Variants in AFAP1L1 observed in about 807,000 individuals in gnomAD.
AFAP1L1 encodes actin filament associated protein 1 like 1, also known as actin filament-associated protein 1-like 1.
Under a neutral mutation model 99.8 loss-of-function variants are expected in AFAP1L1, and 77 were observed. The ratio of observed to expected loss-of-function variants is 0.77; its 90% CI spans 0.64 to 0.93. The LOEUF is 0.93. Among genes scored for constraint, AFAP1L1 ranks in the 40% least tolerant of loss-of-function variants. The pLI, the probability that AFAP1L1 is intolerant of heterozygous loss-of-function variation, is 0.00. For missense variants in AFAP1L1, 893 were observed against 996.8 expected (o/e 0.90, Z 1.40); for synonymous variants, 373 against 395.3 (o/e 0.94, Z 0.67).
chr5:149,332,913 A>G (rs1231481644), intron 17 of AFAP1L1, 40 bp downstream of exon 17: 17 of 1,511,464 alleles, frequency 1.1e-5, no homozygotes, highest in South Asian at 5.2e-5. Flanking sequence ...AGCTACTCCT[A>G]TGTCCCTCCA....
At chr5:149,318,307 G>A (rs572953166) in intron 12 of AFAP1L1, among the ~76,000 whole-genome samples, 1 of 152,296 alleles carries the variant, frequency 6.6e-6, no homozygotes, top group African/African-American at 2.4e-5. Context: ...ACCAAGGTTT[G>A]TTTTTTCTCC....
chr5:149,285,696 A>G (rs916670201), intron 1 of AFAP1L1, among the ~76,000 whole-genome samples: 4 of 152,142 alleles, frequency 2.6e-5, no homozygotes, highest in Non-Finnish European at 5.9e-5. Flanking sequence ...AAGTTCTTCT[A>G]TACACCAAAC....
intron 1 of AFAP1L1, among the ~76,000 whole-genome samples, chr5:149,277,730 T>C (rs982232774): frequency 6.6e-6 from 1 of 152,232 alleles, no homozygotes; most frequent in Admixed American, 6.5e-5. Flanking sequence ...CTGCAACTTT[T>C]TGTATGACCT....
At chr5:149,294,278 C>T (rs1234017628) in intron 1 of AFAP1L1, among the ~76,000 whole-genome samples, 2 of 152,170 alleles carry the variant, frequency 1.3e-5, no homozygotes, top group South Asian at 2.1e-4. Flanking sequence ...CCAACAATCC[C>T]GCTGGAGGAG....
intron 8 of AFAP1L1, 65 bp downstream of exon 8, chr5:149,310,200 A>C: frequency 6.7e-7 from 1 of 1,481,824 alleles, no homozygotes; most frequent in Non-Finnish European, 9.0e-7. Context: ...GCCAGCCCTC[A>C]GTAGAGCTGG....
intron 1 of AFAP1L1, among the ~76,000 whole-genome samples, chr5:149,284,203 G>T (rs893869713): frequency 2.6e-5 from 4 of 152,200 alleles, no homozygotes; most frequent in Non-Finnish European, 4.4e-5. Context: ...AAAGAGTAGG[G>T]ATGTATTCTC....
At chr5:149,283,521 A>G (rs958198944) in intron 1 of AFAP1L1, among the ~76,000 whole-genome samples, 1 of 152,250 alleles carries the variant, frequency 6.6e-6, no homozygotes, top group Non-Finnish European at 1.5e-5. Flanking sequence ...AAAAAAACTC[A>G]GAACATACCT....
At chr5:149,275,162 G>A (rs1755272893) in intron 1 of AFAP1L1, among the ~76,000 whole-genome samples, 1 of 152,216 alleles carries the variant, frequency 6.6e-6, no homozygotes, top group Non-Finnish European at 1.5e-5. Context: ...CAACCCATAG[G>A]ATGGGGCCTA....
chr5:149,309,915 T>C, intron 7 of AFAP1L1, 41 bp from the exon 8 acceptor site: 1 of 1,613,616 alleles, frequency 6.2e-7, no homozygotes, highest in Non-Finnish European at 8.5e-7. Context: ...TCCTCTACCC[T>C]CTACTTCAGA....
chr5:149,301,080 G>T lies in AFAP1L1; in HGVS notation c.230-53G>T, dbSNP rs1756190553. ...CCCCAAATCCAGCCCTCTTCCCCTG[G>T]TCTGTGCTGCTCATCCTTGGCTTTC... On this transcript the variant is annotated intron_variant, in intron 3 of 18. Transcript: ENST00000296721. 1.9e-6 allele frequency: 3 copies of T among 1,557,448 alleles called. No individual in the cohort carries two copies. In the South Asian group the frequency reaches 3.4e-5, roughly 17 times the overall value.
intron 15 of AFAP1L1, among the ~76,000 whole-genome samples, chr5:149,323,626 C>T (rs780600002): frequency 5.9e-5 from 9 of 152,232 alleles, no homozygotes; most frequent in Admixed American, 3.3e-4. Context: ...ATTATAGCTC[C>T]ATTTCATTTG....
intron 15 of AFAP1L1, among the ~76,000 whole-genome samples, chr5:149,328,856 A>G (rs1038451373): frequency 2.6e-5 from 4 of 152,150 alleles, no homozygotes; most frequent in Non-Finnish European, 4.4e-5. Flanking sequence ...CTAAGTGGAA[A>G]TGCAAGTGAA....
rs144547838 is a variant in AFAP1L1 at position 149,299,561 on chromosome 5, C to T, written c.69C>T (p.His23=). 31 of 1,614,158 alleles carry T rather than the reference C, an allele frequency of 1.9e-5. No individual in the cohort carries two copies. The highest frequency in any genetic ancestry group is 1.6e-4 in the Middle Eastern group (1 of 6,062). The part of the protein sequence containing the change: ...ELTGLLSLLD[H]EYLSDTTLEK... ...CCGGGCTGCTCAGCCTCCTGGACCA[C>T]GAGTACCTCAGCGATACCACCCTGG... Residue 23 remains histidine (H), a synonymous_variant, in exon 2 of 19, where the codon CAC becomes CAT. Coordinates refer to ENST00000296721, the MANE Select transcript of AFAP1L1 (RefSeq NM_152406.4).
rs1755125201 is a variant in AFAP1L1 at position 149,271,974 on chromosome 5, C to T, written c.6C>T (p.Asp2=). ...CCGGGGACCGGGCCGGCGCCATGGA[C>T]CGAGGCCAGGGTAAGAGGGGCCGCG... M[D]RGQVLEQLLP... Residue 2 remains aspartate (D), a synonymous_variant, in exon 1 of 19, where the codon GAC becomes GAT. Coordinates refer to ENST00000296721, the MANE Select transcript of AFAP1L1 (RefSeq NM_152406.4). 3 of 1,237,318 alleles carry T rather than the reference C, an allele frequency of 2.4e-6. No individual in the cohort carries two copies. The highest frequency in any genetic ancestry group is 3.0e-6 in the Non-Finnish European group (3 of 988,262). 76.6% of individuals were successfully genotyped at this position (1,237,318 alleles called of 1,614,324 possible). A position where few individuals can be genotyped will look rare whatever the true frequency, so the allele number is the denominator to read the frequency against.
At chr5:149,280,230 A>C (rs1755473167) in intron 1 of AFAP1L1, among the ~76,000 whole-genome samples, 1 of 152,328 alleles carries the variant, frequency 6.6e-6, no homozygotes, top group South Asian at 2.1e-4. Flanking sequence ...TATACAGTCA[A>C]ATCCCAAATC....
intron 1 of AFAP1L1, among the ~76,000 whole-genome samples, chr5:149,294,199 A>C (rs1393951289): frequency 1.3e-5 from 2 of 152,174 alleles, no homozygotes; most frequent in Non-Finnish European, 2.9e-5. Flanking sequence ...GTAAAAATGC[A>C]AGTTCCTGGA....
intron 17 of AFAP1L1, among the ~76,000 whole-genome samples, chr5:149,333,083 C>A (rs981664928): frequency 4.6e-5 from 7 of 152,218 alleles, no homozygotes; most frequent in Non-Finnish European, 8.8e-5. Flanking sequence ...CTGGCCTGTT[C>A]TTGTCTCCAC....
rs143811672 is a variant in AFAP1L1 at position 149,319,606 on chromosome 5, C to T, written c.1504C>T (p.Arg502Cys). Residue 502 changes from arginine to cysteine, a missense_variant, in exon 13 of 19, where the codon CGC becomes TGC. Coordinates refer to ENST00000296721, the MANE Select transcript of AFAP1L1 (RefSeq NM_152406.4). ...GGCAAGCTGTTCAGAGGACATGGGT[C>T]GCTGGCTCGGGCTGCTGCTGGTGGA... The part of the protein sequence containing the change: ...LEASCSEDMG[R>C]WLGLLLVEMG... The T allele has an allele frequency of 1.9e-4, 307 of 1,612,526 alleles. No individual in the cohort carries two copies. Among genetic ancestry groups the T allele is most frequent in the Non-Finnish European group, 2.4e-4 (286 of 1,179,460 alleles).
rs1302620831 is a variant in AFAP1L1, at chr5:149,342,134, T to C, written c.*2104T>C. ...ATGCTTAGAAGGGCCCTGTTCTTGG[T>C]TTAATGCTCTACTATTGCCTTCTTA... On this transcript the variant is annotated 3_prime_UTR_variant, in exon 19 of 19. Coordinates refer to ENST00000296721, the MANE Select transcript of AFAP1L1 (RefSeq NM_152406.4). Among the ~76,000 whole-genome samples the C allele has an allele frequency of 6.6e-6, 1 of 152,178 alleles. No homozygotes were observed. The highest frequency in any genetic ancestry group is 2.1e-4 in the South Asian group (1 of 4,824).
Sources: gnomAD v4.1 joint callset for allele counts (sites outside exome capture counted in the v4.1 genomes callset) on GRCh38, gnomAD v4.1.1 for gene constraint, MANE v1.5 for transcripts, NCBI Gene and HGNC (gene_info 2026-07-23, HGNC 2026-07-21) for gene names.